OTUD7A: variants seen among roughly 807,000 people sequenced by gnomAD.
OTUD7A encodes OTU domain-containing protein 7A.
OTUD7A carries 12 observed loss-of-function variants against 65.7 expected under a neutral mutation model. The observed-to-expected ratio is 0.18, with a 90% CI of 0.12 to 0.30. The LOEUF is 0.30. Among genes scored for constraint, OTUD7A ranks in the 10% least tolerant of loss-of-function variants. OTUD7A has a pLI of 1.00. For synonymous variants in OTUD7A, 641 were observed against 586.3 expected (o/e 1.09, Z -1.35); for missense variants, 1,148 against 1,304.8 (o/e 0.88, Z 1.85).
intron 5 of OTUD7A, among the ~76,000 whole-genome samples, chr15:31,547,787 T>TA (rs1191229862): frequency 2.0e-5 from 3 of 152,130 alleles, no homozygotes; most frequent in African/African-American, 7.2e-5. Flanking sequence ...AGCCAAAACT[T>TA]AAGTCATCCT....
intron 10 of OTUD7A, among the ~76,000 whole-genome samples, chr15:31,499,071 T>A (rs1313975201): frequency 6.6e-6 from 1 of 152,166 alleles, no homozygotes; most frequent in South Asian, 2.1e-4. Context: ...GCTTCATGGA[T>A]TTTTAAGCCT....
intron 1 of OTUD7A, among the ~76,000 whole-genome samples, chr15:31,751,999 C>A (rs1486792694): frequency 1.3e-5 from 2 of 152,088 alleles, no homozygotes; most frequent in Non-Finnish European, 2.9e-5. Context: ...CAGCATCACA[C>A]AATATACCCT....
chr15:31,854,111 A>G (rs1021535162), intron 1 of OTUD7A, among the ~76,000 whole-genome samples: 3 of 152,236 alleles, frequency 2.0e-5, no homozygotes, highest in Non-Finnish European at 4.4e-5. Flanking sequence ...TCGGGTTAAA[A>G]TCTAGCTGTT....
intron 5 of OTUD7A, among the ~76,000 whole-genome samples, chr15:31,543,596 C>A (rs1317929687): frequency 6.6e-6 from 1 of 151,794 alleles, no homozygotes; most frequent in Non-Finnish European, 1.5e-5. Context: ...GGAAAGCTAA[C>A]ATAGCTGAAT....
intron 1 of OTUD7A, among the ~76,000 whole-genome samples, chr15:31,822,601 C>G (rs1896709987): frequency 6.6e-6 from 1 of 152,140 alleles, no homozygotes; most frequent in Non-Finnish European, 1.5e-5. Flanking sequence ...TCACAAATAA[C>G]CAGACAAGCT....
chr15:31,545,077 T>A (rs1249840238), intron 5 of OTUD7A, among the ~76,000 whole-genome samples: 1 of 152,014 alleles, frequency 6.6e-6, no homozygotes, highest in African/African-American at 2.4e-5. Flanking sequence ...TTTAAAATGA[T>A]TTAAACTTAA....
At chr15:31,640,224 C>T (rs1416090549) in intron 3 of OTUD7A, among the ~76,000 whole-genome samples, 1 of 152,024 alleles carries the variant, frequency 6.6e-6, no homozygotes, top group Non-Finnish European at 1.5e-5. Flanking sequence ...GGCAGCTAAG[C>T]TATGAGGATG....
At chr15:31,815,604 C>G (rs1896527742) in intron 1 of OTUD7A, among the ~76,000 whole-genome samples, 1 of 152,236 alleles carries the variant, frequency 6.6e-6, no homozygotes, top group Non-Finnish European at 1.5e-5. Context: ...TGTGTGAGTT[C>G]ACTTTGCAAA....
chr15:31,853,628 C>T (rs769964757), intron 1 of OTUD7A, among the ~76,000 whole-genome samples: 3 of 151,758 alleles, frequency 2.0e-5, no homozygotes, highest in African/African-American at 4.9e-5. Flanking sequence ...CCTGTGGACT[C>T]GGCCTTGTAC....
chr15:31,860,677 G>GTATGTATATATATATATA (rs1897707792), intron 1 of OTUD7A, among the ~76,000 whole-genome samples: 2 of 73,286 alleles, frequency 2.7e-5, no homozygotes, highest in Non-Finnish European at 5.3e-5. Context: ...ATGTATGTGT[G>GTATGTATATATATATATA]TATATATATA....
At chr15:31,748,619 G>A (rs1024355676) in intron 1 of OTUD7A, among the ~76,000 whole-genome samples, 7 of 152,052 alleles carry the variant, frequency 4.6e-5, no homozygotes, top group Admixed American at 4.6e-4. Context: ...TTATTATAAT[G>A]ATGGGACTGT....
At chr15:31,593,189 C>T (rs568116761) in intron 3 of OTUD7A, among the ~76,000 whole-genome samples, 1 of 151,972 alleles carries the variant, frequency 6.6e-6, no homozygotes, top group South Asian at 2.1e-4. Flanking sequence ...TTTTTCAGCT[C>T]CACTGTAACC....
intron 8 of OTUD7A, among the ~76,000 whole-genome samples, chr15:31,523,025 C>G (rs2041959415): frequency 6.6e-6 from 1 of 152,226 alleles, no homozygotes; most frequent in Non-Finnish European, 1.5e-5. Flanking sequence ...GAAACCCAGG[C>G]TGGGATGAAT....
At chr15:31,845,002 C>A (rs999919370) in intron 1 of OTUD7A, among the ~76,000 whole-genome samples, 3 of 152,212 alleles carry the variant, frequency 2.0e-5, no homozygotes, top group African/African-American at 7.2e-5. Context: ...CTACCCCCAG[C>A]AAACAGAGAG....
chr15:31,550,603 G>C (rs191244764), intron 5 of OTUD7A, among the ~76,000 whole-genome samples: 35 of 152,256 alleles, frequency 2.3e-4, no homozygotes, highest in African/African-American at 8.2e-4. Flanking sequence ...ACAGCCAGGG[G>C]ACACCTTAAT....
chr15:31,507,298 T>C (rs953168112), intron 8 of OTUD7A, among the ~76,000 whole-genome samples: 1 of 152,160 alleles, frequency 6.6e-6, no homozygotes, highest in Non-Finnish European at 1.5e-5. Flanking sequence ...CAGGGTTATA[T>C]TGAGAAGGTT....
chr15:31,486,785 C>T (rs578218496), intron 12 of OTUD7A, among the ~76,000 whole-genome samples: 82 of 152,388 alleles, frequency 5.4e-4, no homozygotes, highest in African/African-American at 1.9e-3. Context: ...TTCCGCTCTG[C>T]GGCAGCACAT....
chr15:31,732,211 T>C (rs1275452652), intron 1 of OTUD7A, among the ~76,000 whole-genome samples: 2 of 152,254 alleles, frequency 1.3e-5, no homozygotes, highest in Non-Finnish European at 2.9e-5. Context: ...TCAGTGGAAC[T>C]CATTAAACAG....
At chr15:31,792,082 T>C (rs969358952) in intron 1 of OTUD7A, among the ~76,000 whole-genome samples, 3 of 152,146 alleles carry the variant, frequency 2.0e-5, no homozygotes, top group Non-Finnish European at 4.4e-5. Flanking sequence ...CCAAGTTTCT[T>C]AAGCCAAAAA....
Sources: gnomAD v4.1 joint callset for allele counts (sites outside exome capture counted in the v4.1 genomes callset) on GRCh38, gnomAD v4.1.1 for gene constraint, MANE v1.5 for transcripts, NCBI Gene and HGNC (gene_info 2026-07-23, HGNC 2026-07-21) for gene names.